The following PRKCA variants were observed in gnomAD, a reference collection of about 807,000 sequenced individuals.
PRKCA encodes protein kinase C alpha type.
Under a neutral mutation model 87.0 loss-of-function variants are expected in PRKCA, and 27 were observed. The observed-to-expected ratio is 0.31, with a 90% CI of 0.23 to 0.43. The LOEUF (loss-of-function observed/expected upper bound fraction) is 0.43, where lower values mean the gene tolerates loss of function less well. Ranked by LOEUF, PRKCA falls within the 20% of genes least tolerant of loss-of-function variation. The pLI is 1.00. For synonymous variants in PRKCA, 329 were observed against 311.1 expected (o/e 1.06, Z -0.61); for missense variants, 518 against 852.3 (o/e 0.61, Z 4.88).
chr17:66,722,826 TC>T (rs1973647054), intron 8 of PRKCA, among the ~76,000 whole-genome samples: 1 of 152,194 alleles, frequency 6.6e-6, no homozygotes, highest in Non-Finnish European at 1.5e-5. Context: ...GGTACTTTAG[TC>T]CCATTTTGAA....
At position 66,659,958 on chromosome 17, in the gene PRKCA, G is replaced by A. The variant is rs527606089; in HGVS notation, c.529+14447G>A. Reference sequence around the variant, plus strand: ...AGGCGGGAAGGTGGAGGTTACAGTCGAAGTCATTCAGTACCTGGGGGCCAC... The same window carrying A: ...AGGCGGGAAGGTGGAGGTTACAGTCAAAGTCATTCAGTACCTGGGGGCCAC... On this transcript the variant is annotated intron_variant, in intron 5 of 16. Transcript: ENST00000413366. 1.2e-4 allele frequency among the ~76,000 whole-genome samples: 18 copies of A among 152,254 alleles called. No homozygotes were observed. The South Asian group carries it at 1.2e-3, about 11-fold the overall frequency.
chr17:66,759,121 G>A (rs909278149), intron 13 of PRKCA, among the ~76,000 whole-genome samples: 19 of 152,204 alleles, frequency 1.2e-4, no homozygotes, highest in African/African-American at 2.6e-4. Context: ...TTGGGAGGCC[G>A]AGGCGGGCGG....
chr17:66,762,817 C>T (rs928827682), intron 13 of PRKCA, among the ~76,000 whole-genome samples: 16 of 152,266 alleles, frequency 1.1e-4, no homozygotes, highest in Middle Eastern at 3.4e-3. Flanking sequence ...TTGTTTTAGA[C>T]GGAGTCTCAC....
intron 2 of PRKCA, among the ~76,000 whole-genome samples, chr17:66,357,371 C>T (rs1044943129): frequency 6.6e-6 from 1 of 152,140 alleles, no homozygotes; most frequent in Admixed American, 6.5e-5. Flanking sequence ...ACAAAGCCAG[C>T]TTTGAGTTGT....
intron 3 of PRKCA, among the ~76,000 whole-genome samples, chr17:66,558,300 T>TATAATAC (rs1968564429): frequency 6.6e-6 from 1 of 152,244 alleles, no homozygotes; most frequent in Admixed American, 6.5e-5. Flanking sequence ...AGTCAACATG[T>TATAATAC]ATGCCAATAA....
chr17:66,410,498 T>G (rs1911719558), intron 2 of PRKCA, among the ~76,000 whole-genome samples: 1 of 152,180 alleles, frequency 6.6e-6, no homozygotes. Context: ...GCTTAAAAAA[T>G]ATTGTTATTT....
At chr17:66,490,642 G>C (rs1210232468) in intron 2 of PRKCA, among the ~76,000 whole-genome samples, 2 of 151,422 alleles carry the variant, frequency 1.3e-5, no homozygotes, top group Non-Finnish European at 2.9e-5. Context: ...GTGCAGTGGT[G>C]TGATCTCAGC....
At chr17:66,565,570 T>C (rs1241250705) in intron 3 of PRKCA, among the ~76,000 whole-genome samples, 4 of 152,180 alleles carry the variant, frequency 2.6e-5, no homozygotes, top group Non-Finnish European at 5.9e-5. Flanking sequence ...GGGCTACAAA[T>C]CAGTAGCGGC....
intron 16 of PRKCA, chr17:66,796,734 A>G: frequency 1.0e-6 from 1 of 985,316 alleles, no homozygotes; most frequent in South Asian, 4.7e-5. Flanking sequence ...CTGTTATTTA[A>G]CTTAAAAGAA....
intron 2 of PRKCA, chr17:66,415,730 G>A (rs2036498693): frequency 6.7e-6 from 1 of 149,734 alleles, no homozygotes; most frequent in Non-Finnish European, 1.5e-5. Flanking sequence ...TGGTTTCTGG[G>A]TAGGTTGGGC....
intron 3 of PRKCA, among the ~76,000 whole-genome samples, chr17:66,546,925 C>G (rs1171293634): frequency 6.6e-6 from 1 of 152,122 alleles, no homozygotes; most frequent in Non-Finnish European, 1.5e-5. Context: ...CAACAGTTTA[C>G]TTGTATTTCC....
In PRKCA at chr17:66,393,518, G is replaced by A. The variant is rs974508811; in HGVS notation, c.205+87391G>A. 7.2e-5 allele frequency among the ~76,000 whole-genome samples: 11 copies of A among 152,148 alleles called. No homozygotes were observed. In the East Asian group the frequency reaches 1.2e-3, roughly 16 times the overall value. ...GGAGAACAGCTCGGAGGGATGGGACGGCCTGTCGTTTCCTGACGTTGACTG... is the reference window on the plus strand; with the variant it reads ...GGAGAACAGCTCGGAGGGATGGGACAGCCTGTCGTTTCCTGACGTTGACTG... On this transcript the variant is annotated intron_variant, in intron 2 of 16. Transcript: ENST00000413366.
chr17:66,453,273 A>G (rs1164249012), intron 2 of PRKCA, among the ~76,000 whole-genome samples: 1 of 152,048 alleles, frequency 6.6e-6, no homozygotes, highest in Non-Finnish European at 1.5e-5. Context: ...GCCCTCGTAC[A>G]GATCCACAGT....
intron 2 of PRKCA, chr17:66,363,976 C>T (rs991784051): frequency 1.2e-4 from 18 of 152,472 alleles, no homozygotes; most frequent in African/African-American, 2.7e-4. Flanking sequence ...GCTGGGATTA[C>T]AGGCATGAGT....
intron 3 of PRKCA, among the ~76,000 whole-genome samples, chr17:66,502,780 A>G (rs1357630659): frequency 6.6e-6 from 1 of 151,274 alleles, no homozygotes; most frequent in Non-Finnish European, 1.5e-5. Flanking sequence ...TTAGCCTCCC[A>G]AGTAGCTGGG....
chr17:66,661,449 C>A (rs1388478889), intron 5 of PRKCA, among the ~76,000 whole-genome samples: 1 of 152,186 alleles, frequency 6.6e-6, no homozygotes, highest in African/African-American at 2.4e-5. Flanking sequence ...CTCCTGCCTT[C>A]TACTTCGATG....
intron 5 of PRKCA, among the ~76,000 whole-genome samples, chr17:66,674,989 C>T (rs578254609): frequency 6.6e-6 from 1 of 152,248 alleles, no homozygotes; most frequent in African/African-American, 2.4e-5. Flanking sequence ...CCATCATGGA[C>T]CAACCACCCA....
intron 2 of PRKCA, chr17:66,398,285 A>T (rs2143671332): frequency 6.6e-6 from 1 of 152,326 alleles, no homozygotes; most frequent in African/African-American, 2.4e-5. Context: ...CAGCCCACAG[A>T]TTCTATCTGC....
intron 14 of PRKCA, 81 bp from the exon 15 acceptor site, chr17:66,786,785 GT>G (rs1598943537): frequency 1.8e-6 from 2 of 1,103,042 alleles, no homozygotes; most frequent in East Asian, 4.9e-5. Flanking sequence ...CTGTTCCTTG[GT>G]GCTGAATTGG....
Sources: gnomAD v4.1 joint callset for allele counts (sites outside exome capture counted in the v4.1 genomes callset) on GRCh38, gnomAD v4.1.1 for gene constraint, MANE v1.5 for transcripts, NCBI Gene and HGNC (gene_info 2026-07-23, HGNC 2026-07-21) for gene names.